The following DNAH10 variants were observed in gnomAD, a reference collection of about 807,000 sequenced individuals.
DNAH10 encodes dynein axonemal heavy chain 10.
A neutral mutation model predicts 506.6 loss-of-function variants in DNAH10; 348 were observed. That is an observed-to-expected ratio of 0.69 (90% CI 0.63 to 0.75). The LOEUF (loss-of-function observed/expected upper bound fraction) is 0.75. Ranked by LOEUF, DNAH10 falls within the 30% of genes least tolerant of loss-of-function variation. DNAH10 has a pLI of 0.00. For missense variants in DNAH10, 5,179 were observed against 5,787.1 expected (o/e 0.89, Z 3.41); for synonymous variants, 2,059 against 2,198.6 (o/e 0.94, Z 1.78).
Position 123,805,036 on chromosome 12 carries a change from C to A in DNAH10, c.2983C>A (p.Leu995Met), listed in dbSNP as rs1958612432. ...KIYEVLTKLI[L>M]KNLQSFNSLI... ...TTATGAGGTCCTGACAAAGCTCATC[C>A]TGAAGTAAGTTCATCTTGTTGCATG... Residue 995 changes from leucine to methionine, a missense_variant, in exon 18 of 79, where the codon CTG (leucine) becomes ATG (methionine). By Grantham distance (15) the Leu-to-Met change is conservative (BLOSUM62 2). This residue lies in a region of DNAH10 where 4,844 missense variants were observed against 5,430.5 expected (regional missense o/e 0.89). Transcript: ENST00000673944. The A allele has an allele frequency of 6.2e-7, 1 of 1,614,020 alleles. No individual in the cohort carries two copies. Among genetic ancestry groups the A allele is most frequent in the Admixed American group, 1.7e-5 (1 of 60,010 alleles).
intron 19 of DNAH10, among the ~76,000 whole-genome samples, chr12:123,812,572 T>C (rs1284352503): frequency 6.6e-6 from 1 of 152,264 alleles, no homozygotes; most frequent in Non-Finnish European, 1.5e-5. Flanking sequence ...AATGTGTGTT[T>C]TTTCCTCTGT....
In DNAH10 at chr12:123,925,253, C is replaced by T. The variant is rs1286929890; in HGVS notation, c.11921+49C>T. 1 of 1,610,620 alleles carries T rather than the reference C, an allele frequency of 6.2e-7. No homozygotes were observed. The highest frequency in any genetic ancestry group is 2.2e-5 in the East Asian group (1 of 44,838). On this transcript the variant is annotated intron_variant, in intron 68 of 78. Transcript: ENST00000673944. The surrounding 1 kb of genome is among the most constrained non-coding windows in gnomAD (Gnocchi z 4.0). Reference sequence around the variant, plus strand: ...TGCCACTTTCCGTGGGGTGGAATCTCTAGCGTCCTCCCACCTTGGACTCAA... The same window carrying T: ...TGCCACTTTCCGTGGGGTGGAATCTTTAGCGTCCTCCCACCTTGGACTCAA...
chr12:123,788,575 C>T (rs1957953082), intron 10 of DNAH10, among the ~76,000 whole-genome samples: 1 of 152,120 alleles, frequency 6.6e-6, no homozygotes, highest in African/African-American at 2.4e-5. Context: ...TGGCAGTGCC[C>T]AGCCCGAGAG....
intron 11 of DNAH10, among the ~76,000 whole-genome samples, chr12:123,791,720 G>A (rs779561098): frequency 2.6e-5 from 4 of 152,072 alleles, no homozygotes; most frequent in Non-Finnish European, 5.9e-5. Flanking sequence ...GGGACCACAA[G>A]CATGTGTCTG....
At chr12:123,858,108 T>G (rs1951468105) in intron 37 of DNAH10, among the ~76,000 whole-genome samples, 1 of 152,216 alleles carries the variant, frequency 6.6e-6, no homozygotes, top group East Asian at 1.9e-4. Flanking sequence ...GACTCAAATA[T>G]TTTGTTTTGA....
At position 123,819,130 on chromosome 12, in the gene DNAH10, T is replaced by C; in HGVS notation, c.3898-18T>C. The C allele has an allele frequency of 6.2e-7, 1 of 1,610,232 alleles. No homozygotes were observed. The highest frequency in any genetic ancestry group is 8.5e-7 in the Non-Finnish European group (1 of 1,177,956). Reference sequence around the variant, plus strand: ...AAAACGTATTTGGGCTAAATTAATGTAACCTCGTTTTTCTCAGCTTACTCG... The same window carrying C: ...AAAACGTATTTGGGCTAAATTAATGCAACCTCGTTTTTCTCAGCTTACTCG... On this transcript the variant is annotated intron_variant, in intron 22 of 78. Transcript: ENST00000673944.
chr12:123,847,093 T>TA (rs1950974750), intron 32 of DNAH10, among the ~76,000 whole-genome samples: 1 of 147,602 alleles, frequency 6.8e-6, no homozygotes, highest in African/African-American at 2.7e-5. Flanking sequence ...TCTATCTATC[T>TA]ATCTAATCTA....
In DNAH10 at chr12:123,803,666, G is replaced by T; in HGVS notation, c.2620G>T (p.Gly874Cys). The change falls in exon 17 of 79, where the codon GGT becomes TGT. Residue 874 changes from glycine to cysteine, a missense_variant. Coordinates refer to ENST00000673944, the MANE Select transcript of DNAH10 (RefSeq NM_001372106.1). ...CTTTCTTTCTTTCTTCAAAGGTATC[G>T]GTGACTATATAACTGGTTGCAAACA... ...KRLNWNSLGI[G>C]DYITGCKQAI... The T allele has an allele frequency of 6.4e-7, 1 of 1,567,662 alleles. No individual in the cohort carries two copies. Among genetic ancestry groups the T allele is most frequent in the Non-Finnish European group, 8.6e-7 (1 of 1,163,286 alleles).
Position 123,928,779 on chromosome 12 carries a change from T to G in DNAH10, c.12306+192T>G, listed in dbSNP as rs1221562597. 2 of 646,636 alleles carry G rather than the reference T, an allele frequency of 3.1e-6. No homozygotes were observed. The highest frequency in any genetic ancestry group is 3.7e-5 in the African/African-American group (2 of 54,648). The allele number at this position is 646,636 out of a possible 1,614,324, so 40.1% of individuals were successfully genotyped here. On this transcript the variant is annotated intron_variant, in intron 70 of 78. Transcript: ENST00000673944. The surrounding 1 kb of genome is among the most constrained non-coding windows in gnomAD (Gnocchi z 4.9). ...GAGCCGCTGTCCTGGGTTGGGTGTT[T>G]GTGACTCCCAGGCCTATCTCTACCA... is the stretch of plus-strand genomic sequence containing the variant.
intron 14 of DNAH10, among the ~76,000 whole-genome samples, chr12:123,799,973 A>G (rs1410405592): frequency 3.9e-5 from 6 of 152,182 alleles, no homozygotes; most frequent in African/African-American, 1.4e-4. Flanking sequence ...CCAGTGTTTC[A>G]AGGGAAGGCA....
At chr12:123,832,108 A>G (rs560521363) in intron 26 of DNAH10, among the ~76,000 whole-genome samples, 66 of 152,294 alleles carry the variant, frequency 4.3e-4, no homozygotes, top group African/African-American at 1.0e-3. Flanking sequence ...GTGTGCACAC[A>G]GTGTACCTAA....
At chr12:123,855,556 C>T (rs1036818973) in intron 36 of DNAH10, among the ~76,000 whole-genome samples, 7 of 151,036 alleles carry the variant, frequency 4.6e-5, no homozygotes, top group Non-Finnish European at 8.8e-5. Context: ...ATTGCTTGAA[C>T]CTGGGAGGTG....
At chr12:123,809,547 G>A (rs978318162) in intron 19 of DNAH10, among the ~76,000 whole-genome samples, 2 of 152,098 alleles carry the variant, frequency 1.3e-5, no homozygotes, top group Non-Finnish European at 2.9e-5. Context: ...CTACTTGGGA[G>A]GCTGAGGCAG....
At chr12:123,766,822 T>C (rs1957063813) in intron 1 of DNAH10, among the ~76,000 whole-genome samples, 1 of 152,204 alleles carries the variant, frequency 6.6e-6, no homozygotes, top group Admixed American at 6.5e-5. Flanking sequence ...AAAAAGTAGT[T>C]GTACTCCCTT....
intron 65 of DNAH10, among the ~76,000 whole-genome samples, chr12:123,920,357 T>A (rs1954671309): frequency 6.6e-6 from 1 of 152,266 alleles, no homozygotes; most frequent in African/African-American, 2.4e-5. Flanking sequence ...AAGTGATTTC[T>A]GCCACAACTA....
chr12:123,795,967 G>A (rs1005360921), intron 12 of DNAH10, among the ~76,000 whole-genome samples: 5 of 152,014 alleles, frequency 3.3e-5, no homozygotes, highest in Admixed American at 1.3e-4. Context: ...ATATCAAAAC[G>A]TGCCCTATAG....
Position 123,931,633 on chromosome 12 carries a change from T to C in DNAH10, c.12917-3T>C. The C allele has an allele frequency of 1.9e-6, 3 of 1,613,774 alleles. No homozygotes were observed. The highest frequency in any genetic ancestry group is 2.5e-6 in the Non-Finnish European group (3 of 1,179,808). On this transcript the variant is annotated splice_region_variant and splice_polypyrimidine_tract_variant and intron_variant, in intron 74 of 78. Transcript: ENST00000673944. Reference sequence around the variant, plus strand: ...CTTTCTCTGAAAAGTGTCCTGGTTTTAGGGGAATCCAGCAGTGGTATCAGC... The same window carrying C: ...CTTTCTCTGAAAAGTGTCCTGGTTTCAGGGGAATCCAGCAGTGGTATCAGC...
chr12:123,824,272 T>C, intron 24 of DNAH10, among the ~76,000 whole-genome samples: 1 of 152,060 alleles, frequency 6.6e-6, no homozygotes, highest in South Asian at 2.1e-4. Context: ...GTGGAGTCAC[T>C]CTTAAGGGAA....
chr12:123,800,125 T>C (rs1958428635), intron 14 of DNAH10, 91 bp from the exon 15 acceptor site: 1 of 1,350,610 alleles, frequency 7.4e-7, no homozygotes, highest in African/African-American at 1.5e-5. Flanking sequence ...CCAGTGTTGA[T>C]CTTTTTCATG....
Sources: gnomAD v4.1 joint callset for allele counts (sites outside exome capture counted in the v4.1 genomes callset) on GRCh38, gnomAD v4.1.1 for gene constraint, gnomAD v4.1.1 regional missense constraint, Gnocchi (gnomAD v3.1) non-coding constraint, MANE v1.5 for transcripts, NCBI Gene and HGNC (gene_info 2026-07-23, HGNC 2026-07-21) for gene names.